The following CAPN15 variants were observed in gnomAD, a reference collection of about 807,000 sequenced individuals.
The protein encoded by CAPN15 is calpain 15, also known as calpain-15.
A neutral mutation model predicts 97.9 loss-of-function variants in CAPN15; 53 were observed. The observed-to-expected ratio is 0.54, with a 90% CI of 0.43 to 0.68. The LOEUF is 0.68. Among genes scored for constraint, CAPN15 ranks in the 30% least tolerant of loss-of-function variants. The pLI, the probability that CAPN15 is intolerant of heterozygous loss-of-function variation, is 0.00. For synonymous variants in CAPN15, 922 were observed against 722.5 expected (o/e 1.28, Z -4.43); for missense variants, 1,592 against 1,589.8 (o/e 1.00, Z -0.02).
In CAPN15 at chr16:552,598, C is replaced by A; in HGVS notation, c.2738-7C>A. On this transcript the variant is annotated splice_polypyrimidine_tract_variant and splice_region_variant and intron_variant, in intron 11 of 13. Transcript: ENST00000219611. This position sits in a 1 kb window ranked among gnomAD's most constrained non-coding sequence, Gnocchi z 6.4. ...GAGGGCTGCGGTTCACACGCCCGTC[C>A]TTGTAGCCTCCAGCCCCTCGGCAGG... is the stretch of plus-strand genomic sequence containing the variant. 6.5e-7 allele frequency: 1 copy of A among 1,542,966 alleles called. No individual in the cohort carries two copies. The highest frequency in any genetic ancestry group is 8.7e-7 in the Non-Finnish European group (1 of 1,147,370).
At chr16:539,708 T>A (rs1374316230) in intron 3 of CAPN15, 2 of 152,334 alleles carry the variant, frequency 1.3e-5, no homozygotes, top group Non-Finnish European at 2.9e-5. Context: ...GCCCCCCAGA[T>A]CTTCATCCAG....
At chr16:534,275 C>G (rs1200119445) in intron 2 of CAPN15, among the ~76,000 whole-genome samples, 1 of 30,312 alleles carries the variant, frequency 3.3e-5, no homozygotes, top group African/African-American at 7.4e-4. Context: ...GCTGTGGCCC[C>G]GGCCCCCAGA....
Position 547,308 on chromosome 16 carries a change from C to T in CAPN15, c.470C>T (p.Thr157Met), listed in dbSNP as rs115276841. Residue 157 changes from threonine to methionine, a missense_variant, in exon 4 of 14, where the codon ACG becomes ATG. Transcript: ENST00000219611. The stretch of plus-strand genomic sequence containing the variant: ...TGTCCGCGTTGCACGCTGCACAACA[C>T]GCCCGTGGCCAGCTCCTGCTCCGTC... ...WACPRCTLHN[T>M]PVASSCSVCG... 1.1e-4 allele frequency: 169 copies of T among 1,524,738 alleles called. 1 individual carries two copies. In the African/African-American group the frequency reaches 1.7e-3, roughly 15 times the overall value. 94.5% of individuals were successfully genotyped at this position (1,524,738 alleles called of 1,614,324 possible). A position where few individuals can be genotyped will look rare whatever the true frequency, so the allele number is the denominator to read the frequency against.
intron 1 of CAPN15, chr16:528,839 C>G (rs933890306): frequency 1.2e-4 from 99 of 855,310 alleles, no homozygotes; most frequent in Non-Finnish European, 1.4e-4. Flanking sequence ...GCTTCTCCTT[C>G]GGGAAACCCG....
In CAPN15 at chr16:547,943, C is replaced by T. The variant is rs2034715555; in HGVS notation, c.1105C>T (p.His369Tyr). 2 of 1,599,496 alleles carry T rather than the reference C, an allele frequency of 1.3e-6. No homozygotes were observed. Among genetic ancestry groups the T allele is most frequent in the African/African-American group, 1.3e-5 (1 of 74,614 alleles). ...CTCGGCCTGCGGCTGCTCCAAACTG[C>T]ACGGCTTCCAGGAGCATGGCGAGCC... ...RCSACGCSKLHGFQEHGEPPT... is the reference protein window; with the variant it reads ...RCSACGCSKLYGFQEHGEPPT... Residue 369 changes from histidine to tyrosine, a missense_variant, in exon 4 of 14, where the codon CAC becomes TAC. By Grantham distance (83) the His-to-Tyr change is moderately conservative. This residue lies in a region of CAPN15 where 883 missense variants were observed against 776.6 expected (regional missense o/e 1.14). Transcript: ENST00000219611.
intron 2 of CAPN15, among the ~76,000 whole-genome samples, chr16:534,546 A>G (rs2033558514): frequency 6.6e-6 from 1 of 152,174 alleles, no homozygotes; most frequent in African/African-American, 2.4e-5. Flanking sequence ...CGACTCATGC[A>G]GGAGCTTCCT....
rs778538716 is a variant in CAPN15, at chr16:549,158, C to T, written c.1615C>T (p.Leu539=). The change falls in exon 5 of 14, where the codon CTG becomes TTG. Residue 539 remains leucine (L), a synonymous_variant. Coordinates refer to ENST00000219611, the MANE Select transcript of CAPN15 (RefSeq NM_005632.3). ...GGCCACGTGGTCTGTGTTCCACACA[C>T]TGCGGCCCTCAGACATCCTGCAGGG... ...HRATWSVFHT[L]RPSDILQGLL... The T allele has an allele frequency of 2.5e-6, 4 of 1,609,384 alleles. No individual in the cohort carries two copies. The highest frequency in any genetic ancestry group is 2.2e-5 in the South Asian group (2 of 91,018).
intron 2 of CAPN15, among the ~76,000 whole-genome samples, chr16:534,288 G>C (rs910806076): frequency 3.3e-5 from 5 of 152,258 alleles, no homozygotes; most frequent in African/African-American, 1.2e-4. Context: ...CCCCCAGATG[G>C]AGCTCCCCAT....
intron 2 of CAPN15, 24 bp downstream of exon 2, chr16:534,022 G>A (rs1042322928): frequency 1.5e-5 from 15 of 983,114 alleles, no homozygotes; most frequent in East Asian, 2.3e-4. Context: ...CAAGCCCTGC[G>A]GCTCGTTTAT....
chr16:546,128 C>T (rs571079629), intron 3 of CAPN15, among the ~76,000 whole-genome samples: 9 of 152,358 alleles, frequency 5.9e-5, no homozygotes, highest in East Asian at 5.8e-4. Flanking sequence ...CCTCGCCACG[C>T]GGGGCTGAGC....
At chr16:537,249 C>T (rs1184877196) in intron 3 of CAPN15, 2 of 985,426 alleles carry the variant, frequency 2.0e-6, no homozygotes, top group East Asian at 1.1e-4. Context: ...CTGAGACTGG[C>T]TCCAGCTCAA....
In CAPN15 at chr16:552,554, C is replaced by G; in HGVS notation, c.2737+24C>G. 6.3e-7 allele frequency: 1 copy of G among 1,580,046 alleles called. No homozygotes were observed. Among genetic ancestry groups the G allele is most frequent in the Non-Finnish European group, 8.6e-7 (1 of 1,167,184 alleles). On this transcript the variant is annotated intron_variant, in intron 11 of 13. Coordinates refer to ENST00000219611, the MANE Select transcript of CAPN15 (RefSeq NM_005632.3). The surrounding 1 kb of genome is among the most constrained non-coding windows in gnomAD (Gnocchi z 6.4). ...GGGTACGTGGCCCCTACCCCAGGCT[C>G]ATGCCCCAGGCCCACGGGGAGGGCT...
At chr16:548,960 C>A in intron 4 of CAPN15, 33 bp from the exon 5 acceptor site, 1 of 1,605,694 alleles carries the variant, frequency 6.2e-7, no homozygotes, top group Non-Finnish European at 8.5e-7. Flanking sequence ...GGCCACCCTG[C>A]CCAGCCTGAG....
At position 528,044 on chromosome 16, in the gene CAPN15, C is replaced by G. The variant is rs1052186658; in HGVS notation, c.-190+15C>G. The stretch of plus-strand genomic sequence containing the variant: ...GGGCTGTGGAGGTGAGTCCCGTCGG[C>G]CGGGCCCGGCCGGGCGCCCAGCCGG... On this transcript the variant is annotated intron_variant, in intron 1 of 13. Transcript: ENST00000219611. The G allele has an allele frequency of 5.8e-4, 83 of 143,816 alleles. No homozygotes were observed. Among genetic ancestry groups the G allele is most frequent in the African/African-American group, 1.8e-3 (73 of 40,226 alleles). The allele number at this position is 143,816 out of a possible 1,614,324, so 8.9% of individuals were successfully genotyped here. A position where few individuals can be genotyped will look rare whatever the true frequency, so the allele number is the denominator to read the frequency against.
rs377567634 is a variant in CAPN15 at position 547,585 on chromosome 16, C to T, written c.747C>T (p.Arg249=). ...LQNNPVPRSR[R]EVPPQLQPPV... ...ACAACCCCGTGCCGCGCAGCCGACGCGAGGTTCCCCCCCAGCTGCAGCCAC... is the reference window on the plus strand; with the variant it reads ...ACAACCCCGTGCCGCGCAGCCGACGTGAGGTTCCCCCCCAGCTGCAGCCAC... Residue 249 remains arginine, a synonymous_variant, in exon 4 of 14, where the codon CGC becomes CGT. Transcript: ENST00000219611. The T allele has an allele frequency of 2.2e-4, 344 of 1,579,224 alleles. 1 individual carries two copies. The highest frequency in any genetic ancestry group is 6.5e-4 in the East Asian group (29 of 44,310).
At chr16:540,823 A>G (rs1405187501) in intron 3 of CAPN15, among the ~76,000 whole-genome samples, 1 of 152,102 alleles carries the variant, frequency 6.6e-6, no homozygotes, top group Non-Finnish European at 1.5e-5. Context: ...AGCTGTCACC[A>G]TGGCCTTGGC....
chr16:537,191 T>C, intron 3 of CAPN15: 1 of 985,464 alleles, frequency 1.0e-6, no homozygotes, highest in East Asian at 1.1e-4. Context: ...CCTGCTCTCC[T>C]AGGACAGGCC....
intron 7 of CAPN15, among the ~76,000 whole-genome samples, chr16:551,012 TGTCGGTGAGGGCCCCG>T (rs1567157541): frequency 2.1e-4 from 7 of 33,276 alleles, no homozygotes; most frequent in East Asian, 8.0e-4. Context: ...GAGGGTCCCC[TGTCGGTGAGGGCCCCG>T]GTCGGTGAGG....
intron 7 of CAPN15, 32 bp from the exon 8 acceptor site, chr16:551,270 T>TCCCGGTCGGTGAGGGC (rs1567158227): frequency 6.5e-7 from 1 of 1,530,270 alleles, no homozygotes; most frequent in African/African-American, 1.5e-5. Context: ...TCGGTGAGGG[T>TCCCGGTCGGTGAGGGC]CCCGGTCGGT....
Sources: gnomAD v4.1 joint callset for allele counts (sites outside exome capture counted in the v4.1 genomes callset) on GRCh38, gnomAD v4.1.1 for gene constraint, gnomAD v4.1.1 regional missense constraint, Gnocchi (gnomAD v3.1) non-coding constraint, MANE v1.5 for transcripts, NCBI Gene and HGNC (gene_info 2026-07-23, HGNC 2026-07-21) for gene names.